Variants in PTCHD4 observed in about 807,000 individuals in gnomAD.
PTCHD4 encodes patched domain-containing protein 4.
Under a neutral mutation model 58.1 loss-of-function variants are expected in PTCHD4, and 33 were observed. The ratio of observed to expected loss-of-function variants is 0.57; its 90% CI spans 0.43 to 0.76. PTCHD4 has a LOEUF of 0.76. PTCHD4 is among the 30% of genes least tolerant of loss of function. The probability of loss-of-function intolerance (pLI) is 0.00; values close to 1 mark genes in which losing one functional copy is unlikely to be tolerated. For synonymous variants in PTCHD4, 478 were observed against 409.6 expected, an observed-to-expected ratio of 1.17 and a Z score of -2.02; for missense variants, 1,058 against 1,027.1, an observed-to-expected ratio of 1.03 and a Z score of -0.41.
chr6:47,861,083 A>T lies in PTCHD4; in HGVS notation c.*17220T>A, dbSNP rs912428440. Among the ~76,000 whole-genome samples the T allele has an allele frequency of 4.0e-5, 6 of 151,896 alleles. No individual in the cohort carries two copies. The highest frequency in any genetic ancestry group is 1.4e-4 in the African/African-American group (6 of 41,398). ...ATTATTGAGCTCTCCCAATCCCTCCAGTGCTAAATTTCAAACATGTTGGAA... is the reference window on the plus strand; with the variant it reads ...ATTATTGAGCTCTCCCAATCCCTCCTGTGCTAAATTTCAAACATGTTGGAA... On this transcript the variant is annotated 3_prime_UTR_variant, in exon 5 of 5. Coordinates refer to ENST00000339488, the MANE Select transcript of PTCHD4 (RefSeq NM_001384253.1).
rs529566111 is a variant in PTCHD4, at chr6:47,895,111, G to A, written c.899-15175C>T. 7.3e-5 allele frequency among the ~76,000 whole-genome samples: 11 copies of A among 151,644 alleles called. No homozygotes were observed. The South Asian group carries it at 8.4e-4, about 12-fold the overall frequency. On this transcript the variant is annotated intron_variant, in intron 4 of 4. Transcript: ENST00000339488. ...GATTGTGCCACTCCACTCCAGCCTC[G>A]GCGACAGAGTGAGATTCTGTCTCAA... is the stretch of plus-strand genomic sequence containing the variant.
chr6:48,002,120 G>T (rs534019094), intron 4 of PTCHD4, among the ~76,000 whole-genome samples: 2 of 152,312 alleles, frequency 1.3e-5, no homozygotes, highest in African/African-American at 4.8e-5. Context: ...AACAGGTGCT[G>T]GAGAGGATGT....
At chr6:47,892,073 G>A (rs1048829138) in intron 4 of PTCHD4, among the ~76,000 whole-genome samples, 3 of 152,134 alleles carry the variant, frequency 2.0e-5, no homozygotes, top group Non-Finnish European at 4.4e-5. Flanking sequence ...GGGCATATGA[G>A]AAGTGGGAAG....
At chr6:48,098,344 T>TCTTCTTCTTC (rs1172430988) in intron 1 of PTCHD4, among the ~76,000 whole-genome samples, 55 of 137,748 alleles carry the variant, frequency 4.0e-4, no homozygotes, top group South Asian at 1.2e-3. Context: ...TTCTTCTTCT[T>TCTTCTTCTTC]TTTTTTTTTT....
intron 3 of PTCHD4, among the ~76,000 whole-genome samples, chr6:48,035,472 A>G (rs1301401308): frequency 6.6e-6 from 1 of 152,108 alleles, no homozygotes; most frequent in African/African-American, 2.4e-5. Context: ...AAAAATTATG[A>G]ATCAGAAAAA....
At chr6:47,922,367 T>A (rs983549930) in intron 4 of PTCHD4, among the ~76,000 whole-genome samples, 1 of 152,152 alleles carries the variant, frequency 6.6e-6, no homozygotes, top group African/African-American at 2.4e-5. Flanking sequence ...TTTTATCCCA[T>A]CTCCATTCCT....
chr6:47,883,634 TAA>T (rs959880860), intron 4 of PTCHD4, among the ~76,000 whole-genome samples: 3 of 152,158 alleles, frequency 2.0e-5, no homozygotes, highest in Non-Finnish European at 4.4e-5. Flanking sequence ...AAAAGTTTAA[TAA>T]AAGTTTTATT....
In PTCHD4 at chr6:47,874,916, A is replaced by G. The variant is rs1763807890; in HGVS notation, c.*3387T>C. 6.6e-6 allele frequency among the ~76,000 whole-genome samples: 1 copy of G among 151,784 alleles called. No homozygotes were observed. The highest frequency in any genetic ancestry group is 1.5e-5 in the Non-Finnish European group (1 of 67,818). On this transcript the variant is annotated 3_prime_UTR_variant, in exon 5 of 5. Transcript: ENST00000339488. ...AAGGTATGATTACCTTTAACCATAAACGGTAAAAAATCTTTTAGCTGATCT... is the reference window on the plus strand; with the variant it reads ...AAGGTATGATTACCTTTAACCATAAGCGGTAAAAAATCTTTTAGCTGATCT...
At chr6:47,957,288 T>C (rs974003603) in intron 4 of PTCHD4, among the ~76,000 whole-genome samples, 6 of 148,384 alleles carry the variant, frequency 4.0e-5, no homozygotes, top group African/African-American at 1.2e-4. Context: ...TATAGTTTCA[T>C]TCAAGAAAGA....
intron 1 of PTCHD4, among the ~76,000 whole-genome samples, chr6:48,073,810 T>C (rs1044507525): frequency 6.6e-6 from 1 of 152,150 alleles, no homozygotes; most frequent in African/African-American, 2.4e-5. Context: ...ACATCACTTT[T>C]TCATGCATCT....
chr6:47,879,899 T>C lies in PTCHD4; in HGVS notation c.936A>G (p.Gly312=). The part of the protein sequence containing the change: ...GTKGVFELLS[G]WRRTKENLPF... ...GCAAGTTCTCTTTGGTTCTCCGCCATCCGGACAGAAGCTCAAACACTCCTT... is the reference window on the plus strand; with the variant it reads ...GCAAGTTCTCTTTGGTTCTCCGCCACCCGGACAGAAGCTCAAACACTCCTT... Residue 312 remains glycine, a synonymous_variant, in exon 5 of 5, where the codon GGA becomes GGG. Coordinates refer to ENST00000339488, the MANE Select transcript of PTCHD4 (RefSeq NM_001384253.1). 2 of 1,575,036 alleles carry C rather than the reference T, an allele frequency of 1.3e-6. No individual in the cohort carries two copies. The highest frequency in any genetic ancestry group is 1.7e-6 in the Non-Finnish European group (2 of 1,159,640).
At chr6:47,906,095 G>A (rs1163151758) in intron 4 of PTCHD4, among the ~76,000 whole-genome samples, 4 of 152,214 alleles carry the variant, frequency 2.6e-5, no homozygotes, top group African/African-American at 9.6e-5. Flanking sequence ...CTTCACAGAA[G>A]TCCAGGATCT....
At chr6:47,994,104 T>G (rs1386527456) in intron 4 of PTCHD4, among the ~76,000 whole-genome samples, 1 of 152,156 alleles carries the variant, frequency 6.6e-6, no homozygotes, top group African/African-American at 2.4e-5. Flanking sequence ...CCTTCTACCC[T>G]ACTATCTTCT....
At chr6:47,962,292 C>T (rs185521816) in intron 4 of PTCHD4, among the ~76,000 whole-genome samples, 54 of 152,202 alleles carry the variant, frequency 3.5e-4, no homozygotes, top group African/African-American at 1.1e-3. Context: ...TGCCTAATGA[C>T]TTAGGCATTC....
At chr6:48,022,292 A>G (rs549038338) in intron 3 of PTCHD4, among the ~76,000 whole-genome samples, 16 of 151,746 alleles carry the variant, frequency 1.1e-4, no homozygotes, top group African/African-American at 3.9e-4. Flanking sequence ...AACTACCTCA[A>G]AGCCACAGTG....
At chr6:47,951,430 G>A (rs1766645451) in intron 4 of PTCHD4, among the ~76,000 whole-genome samples, 1 of 152,082 alleles carries the variant, frequency 6.6e-6, no homozygotes, top group African/African-American at 2.4e-5. Flanking sequence ...GACTAGTGCT[G>A]GGCACTATCT....
intron 4 of PTCHD4, among the ~76,000 whole-genome samples, chr6:47,959,578 A>G (rs1767002399): frequency 6.6e-6 from 1 of 152,190 alleles, no homozygotes; most frequent in African/African-American, 2.4e-5. Context: ...ACTCAAGTGA[A>G]AGGAACATGA....
chr6:47,887,776 T>C (rs2114116204), intron 4 of PTCHD4, among the ~76,000 whole-genome samples: 1 of 152,294 alleles, frequency 6.6e-6, no homozygotes, highest in East Asian at 1.9e-4. Context: ...CTGCTTCTAA[T>C]TTAGTATCAT....
intron 4 of PTCHD4, among the ~76,000 whole-genome samples, chr6:47,885,479 C>T (rs1441209474): frequency 6.6e-6 from 1 of 152,150 alleles, no homozygotes; most frequent in Non-Finnish European, 1.5e-5. Context: ...GAAGGTTCTT[C>T]ATGGTCATGG....
Sources: gnomAD v4.1 joint callset for allele counts (sites outside exome capture counted in the v4.1 genomes callset) on GRCh38, gnomAD v4.1.1 for gene constraint, MANE v1.5 for transcripts, NCBI Gene and HGNC (gene_info 2026-07-23, HGNC 2026-07-21) for gene names.